The following PLA2G12A variants were observed in gnomAD, a reference collection of about 807,000 sequenced individuals.
PLA2G12A encodes group XIIA secretory phospholipase A2.
In PLA2G12A, 11 loss-of-function variants were observed where a neutral mutation model predicts 16.0. The observed-to-expected ratio is 0.69, with a 90% CI of 0.43 to 1.13. The LOEUF (loss-of-function observed/expected upper bound fraction) is 1.13, where lower values mean the gene tolerates loss of function less well. Ranked by LOEUF, PLA2G12A falls within the 50% of genes most tolerant of loss-of-function variation. The pLI, the probability that PLA2G12A is intolerant of heterozygous loss-of-function variation, is 0.00. For missense variants in PLA2G12A, 214 were observed against 237.3 expected (o/e 0.90, Z 0.65); for synonymous variants, 77 against 93.8 (o/e 0.82, Z 1.03).
In PLA2G12A at chr4:109,714,137, T is replaced by G. The variant is rs574525610; in HGVS notation, c.*240A>C. The G allele has an allele frequency of 4.8e-5, 22 of 458,214 alleles. No individual in the cohort carries two copies. In the South Asian group the frequency reaches 8.0e-4, roughly 17 times the overall value. 28.4% of individuals were successfully genotyped at this position (458,214 alleles called of 1,614,324 possible). The stretch of plus-strand genomic sequence containing the variant: ...TTGTTTTTGATATTGGTCAAGACAT[T>G]TGGCATACTAAGTAAGGGAGCAATG... On this transcript the variant is annotated 3_prime_UTR_variant, in exon 4 of 4. Transcript: ENST00000243501.
Position 109,717,659 on chromosome 4 carries a change from A to G in PLA2G12A, c.340T>C (p.Tyr114His), listed in dbSNP as rs765419460. 31 of 1,613,760 alleles carry G rather than the reference A, an allele frequency of 1.9e-5. No individual in the cohort carries two copies. In the South Asian group the frequency reaches 2.6e-4, roughly 14 times the overall value. The stretch of plus-strand genomic sequence containing the variant: ...TTCTTGCTTTTGCCACAGGTCTCAT[A>G]GCACCTGTCGTGTTGGTTGCAACAC... ...TKCCNQHDRC[Y>H]ETCGKSKNDC... The change falls in exon 3 of 4, where the codon TAT becomes CAT. Residue 114 changes from tyrosine (Y) to histidine (H), a missense_variant. Physicochemically the swap from Tyr to His is moderately conservative, Grantham distance 83. Coordinates refer to ENST00000243501, the MANE Select transcript of PLA2G12A (RefSeq NM_030821.5).
rs551147002 is a variant in PLA2G12A at position 109,726,537 on chromosome 4, C to A, written c.208+3065G>T. 2.0e-5 allele frequency among the ~76,000 whole-genome samples: 3 copies of A among 152,284 alleles called. No homozygotes were observed. In the South Asian group the frequency reaches 6.2e-4, roughly 32 times the overall value. On this transcript the variant is annotated intron_variant, in intron 1 of 3. Transcript: ENST00000243501. The stretch of plus-strand genomic sequence containing the variant: ...TTTGTCTGGACTCCTGCATGCGTCA[C>A]CCTGCTTCCATTTTTACTCCCCCAC...
In PLA2G12A at chr4:109,717,594, G is replaced by C. The variant is rs1395355264; in HGVS notation, c.405C>G (p.Ile135Met). 3 of 1,613,948 alleles carry C rather than the reference G, an allele frequency of 1.9e-6. No homozygotes were observed. The highest frequency in any genetic ancestry group is 2.2e-5 in the South Asian group (2 of 91,088). The change falls in exon 3 of 4, where the codon ATC (isoleucine) becomes ATG (methionine). Residue 135 changes from isoleucine to methionine, a missense_variant. Ile to Met is a conservative substitution (Grantham distance 10). Coordinates refer to ENST00000243501, the MANE Select transcript of PLA2G12A (RefSeq NM_030821.5). ...DEEFQYCLSK[I>M]CRDVQKTLGL... ...CTAGTGTTTTCTGTACATCTCGGCA[G>C]ATCTTGGAGAGGCAATACTGGAATT...
intron 1 of PLA2G12A, among the ~76,000 whole-genome samples, chr4:109,719,779 A>T (rs1243466102): frequency 6.6e-6 from 1 of 152,228 alleles, no homozygotes; most frequent in Non-Finnish European, 1.5e-5. Context: ...ATCTTAATTT[A>T]AAAATACTTT....
rs1370806675 is a variant in PLA2G12A at position 109,714,098 on chromosome 4, C to T, written c.*279G>A. 9.6e-6 allele frequency: 3 copies of T among 312,770 alleles called. No homozygotes were observed. The South Asian group carries it at 2.5e-4, about 26-fold the overall frequency. The allele number at this position is 312,770 out of a possible 1,614,324, so 19.4% of individuals were successfully genotyped here. ...ATATATTCCTCTTTTCAAAATTCTC[C>T]GCTAAACAAGCACTTGTTTTTGATA... is the stretch of plus-strand genomic sequence containing the variant. On this transcript the variant is annotated 3_prime_UTR_variant, in exon 4 of 4. Coordinates refer to ENST00000243501, the MANE Select transcript of PLA2G12A (RefSeq NM_030821.5).
At chr4:109,723,851 C>A (rs1258462951) in intron 1 of PLA2G12A, among the ~76,000 whole-genome samples, 2 of 152,146 alleles carry the variant, frequency 1.3e-5, no homozygotes, top group African/African-American at 4.8e-5. Flanking sequence ...TTCAGGTTAA[C>A]AACTGGACTG....
chr4:109,718,408 A>C (rs1730865447), intron 2 of PLA2G12A, among the ~76,000 whole-genome samples: 1 of 152,190 alleles, frequency 6.6e-6, no homozygotes, highest in Non-Finnish European at 1.5e-5. Flanking sequence ...TTTCCCTCTA[A>C]GTAGTAGCAC....
rs1242018187 is a variant in PLA2G12A at position 109,729,732 on chromosome 4, G to C, written c.78C>G (p.Ala26=). 1 of 1,601,348 alleles carries C rather than the reference G, an allele frequency of 6.2e-7. No homozygotes were observed. The highest frequency in any genetic ancestry group is 1.7e-5 in the Admixed American group (1 of 58,300). The part of the protein sequence containing the change: ...MAAVVRCQEQ[A]QTTDWRATLK... Reference sequence around the variant, plus strand: ...GGGTGGCTCTCCAGTCGGTGGTCTGGGCCTGCTCCTGGCACCTGACAACAG... The same window carrying C: ...GGGTGGCTCTCCAGTCGGTGGTCTGCGCCTGCTCCTGGCACCTGACAACAG... Residue 26 remains alanine (A), a synonymous_variant, in exon 1 of 4, where the codon GCC becomes GCG. Transcript: ENST00000243501.
Position 109,717,572 on chromosome 4 carries a change from G to A in PLA2G12A, c.427C>T (p.Leu143=). 6.2e-7 allele frequency: 1 copy of A among 1,613,872 alleles called. No homozygotes were observed. Among genetic ancestry groups the A allele is most frequent in the Non-Finnish European group, 8.5e-7 (1 of 1,179,784 alleles). Residue 143 remains leucine (L), a synonymous_variant, in exon 3 of 4, where the codon CTA becomes TTA. Coordinates refer to ENST00000243501, the MANE Select transcript of PLA2G12A (RefSeq NM_030821.5). ...SKICRDVQKT[L]GLTQHVQACE... ...CCCTGAACATGCTGAGTTAGTCCTA[G>A]TGTTTTCTGTACATCTCGGCAGATC...
chr4:109,720,471 G>A (rs1481745925), intron 1 of PLA2G12A, among the ~76,000 whole-genome samples: 8 of 150,508 alleles, frequency 5.3e-5, no homozygotes, highest in African/African-American at 1.5e-4. Context: ...TTGGCTGGGC[G>A]TGGTGGCTCA....
chr4:109,714,631 A>C, intron 3 of PLA2G12A, 136 bp from the exon 4 acceptor site: 1 of 654,780 alleles, frequency 1.5e-6, no homozygotes, highest in Non-Finnish European at 2.8e-6. Context: ...CCAAACTCTC[A>C]CAACCTGTAG....
At chr4:109,727,932 C>A (rs1309287238) in intron 1 of PLA2G12A, among the ~76,000 whole-genome samples, 5 of 152,226 alleles carry the variant, frequency 3.3e-5, no homozygotes, top group Admixed American at 2.0e-4. Flanking sequence ...ATGAAGACGA[C>A]TCCTTCCAAG....
chr4:109,719,728 T>C (rs1370464741), intron 1 of PLA2G12A, among the ~76,000 whole-genome samples: 1 of 152,224 alleles, frequency 6.6e-6, no homozygotes. Flanking sequence ...CTGTAGTCTA[T>C]TAAGTGCTCA....
At chr4:109,720,910 T>C (rs1196194737) in intron 1 of PLA2G12A, among the ~76,000 whole-genome samples, 1 of 151,520 alleles carries the variant, frequency 6.6e-6, no homozygotes, top group Non-Finnish European at 1.5e-5. Context: ...CTCTACTAAA[T>C]ATACAAAATT....
rs866426296 is a variant in PLA2G12A at position 109,717,674 on chromosome 4, G to A, written c.325C>T (p.Gln109Ter). Residue 109 changes from glutamine to a stop codon, truncating the protein, a stop_gained, in exon 3 of 4, where the codon CAA becomes TAA. Transcript: ENST00000243501. LOFTEE classifies it high-confidence loss of function. Reference sequence around the variant, plus strand: ...CAGGTCTCATAGCACCTGTCGTGTTGGTTGCAACACTTTGTCAGGGAAGGG... The same window carrying A: ...CAGGTCTCATAGCACCTGTCGTGTTAGTTGCAACACTTTGTCAGGGAAGGG... ...GIPSLTKCCN[Q>*]HDRCYETCGK... 6.2e-7 allele frequency: 1 copy of A among 1,613,816 alleles called. No homozygotes were observed. The highest frequency in any genetic ancestry group is 1.3e-5 in the African/African-American group (1 of 74,900).
rs755895199 is a variant in PLA2G12A, at chr4:109,710,825, G to C, written c.*3552C>G. The stretch of plus-strand genomic sequence containing the variant: ...AGTCTACAGGTTCACTGAAAGAAAG[G>C]CTACCTGTGAGGATGCGTTTAATTA... On this transcript the variant is annotated 3_prime_UTR_variant, in exon 4 of 4. Transcript: ENST00000243501. 6 of 152,174 alleles carry C rather than the reference G, an allele frequency of 3.9e-5. No homozygotes were observed. The highest frequency in any genetic ancestry group is 7.3e-5 in the Non-Finnish European group (5 of 68,040). The allele number at this position is 152,174 out of a possible 1,614,324, so 9.4% of individuals were successfully genotyped here. A position where few individuals can be genotyped will look rare whatever the true frequency, so the allele number is the denominator to read the frequency against.
chr4:109,715,757 G>A (rs1336157261), intron 3 of PLA2G12A, among the ~76,000 whole-genome samples: 1 of 152,198 alleles, frequency 6.6e-6, no homozygotes, highest in Non-Finnish European at 1.5e-5. Context: ...TTACAGGCGT[G>A]AGCCACCGCA....
intron 1 of PLA2G12A, among the ~76,000 whole-genome samples, chr4:109,727,336 C>CCTGA (rs1234619876): frequency 6.6e-6 from 1 of 151,984 alleles, no homozygotes; most frequent in East Asian, 1.9e-4. Flanking sequence ...GTCTCGAACT[C>CCTGA]CTGAGCTCAA....
chr4:109,725,843 T>C (rs1256948903), intron 1 of PLA2G12A, among the ~76,000 whole-genome samples: 1 of 152,236 alleles, frequency 6.6e-6, no homozygotes, highest in East Asian at 1.9e-4. Flanking sequence ...AAAGGTCTCA[T>C]GGCAGAGTTT....
Sources: gnomAD v4.1 joint callset for allele counts (sites outside exome capture counted in the v4.1 genomes callset) on GRCh38, gnomAD v4.1.1 for gene constraint, MANE v1.5 for transcripts, NCBI Gene and HGNC (gene_info 2026-07-23, HGNC 2026-07-21) for gene names.